ZNF221: variants seen among roughly 807,000 people sequenced by gnomAD.
ZNF221 encodes zinc finger protein 221.
In ZNF221, 10 loss-of-function variants were observed where a neutral mutation model predicts 12.6. The observed-to-expected ratio is 0.79, with a 90% CI of 0.49 to 1.34. The LOEUF (loss-of-function observed/expected upper bound fraction) is 1.34, where lower values mean the gene tolerates loss of function less well. Ranked by LOEUF, ZNF221 falls within the 40% of genes most tolerant of loss-of-function variation. ZNF221 has a pLI of 0.00. For synonymous variants in ZNF221, 232 were observed against 244.0 expected, an observed-to-expected ratio of 0.95 and a Z score of 0.46; for missense variants, 661 against 721.4, an observed-to-expected ratio of 0.92 and a Z score of 0.96.
intron 1 of ZNF221, among the ~76,000 whole-genome samples, chr19:43,953,187 G>A (rs1266119959): frequency 6.6e-6 from 1 of 151,570 alleles, no homozygotes; most frequent in East Asian, 1.9e-4. Flanking sequence ...CTGACCTTAG[G>A]TGATCTGCCC....
the ZNF221 span, chr19:43,977,182 G>A: frequency 6.6e-6 from 1 of 152,130 alleles, no homozygotes; most frequent in Non-Finnish European, 1.5e-5. Flanking sequence ...CATCATTTGT[G>A]GATGAATATT....
chr19:43,953,075 T>C (rs1179467426), intron 1 of ZNF221, among the ~76,000 whole-genome samples: 1 of 151,996 alleles, frequency 6.6e-6, no homozygotes, highest in East Asian at 1.9e-4. Context: ...CAAGCGATTT[T>C]CCTCCCTTAG....
intron 2 of ZNF221, among the ~76,000 whole-genome samples, chr19:43,963,882 A>T (rs1354741323): frequency 6.6e-6 from 1 of 152,230 alleles, no homozygotes; most frequent in Non-Finnish European, 1.5e-5. Context: ...CATAAGGAGA[A>T]TAAGGGTACT....
At position 43,967,273 on chromosome 19, in the gene ZNF221, A is replaced by G. The variant is rs904488167; in HGVS notation, c.1771A>G (p.Lys591Glu). The G allele has an allele frequency of 6.2e-7, 1 of 1,614,160 alleles. No homozygotes were observed. The highest frequency in any genetic ancestry group is 8.5e-7 in the Non-Finnish European group (1 of 1,180,038). The change falls in exon 5 of 5, where the codon AAA (lysine) becomes GAA (glutamate). Residue 591 changes from lysine (K) to glutamate (E), a missense_variant. Coordinates refer to ENST00000587682, the MANE Select transcript of ZNF221 (RefSeq NM_001297588.2). Reference sequence around the variant, plus strand: ...ACTCCACAGTGGAGAAAAGCCATTGAAATCTGGAGTGTGGGAAGAGATCTA... The same window carrying G: ...ACTCCACAGTGGAGAAAAGCCATTGGAATCTGGAGTGTGGGAAGAGATCTA... ...QRLHSGEKPL[K>E]SGVWEEIYSE...
chr19:43,965,397 C>A, intron 4 of ZNF221, 72 bp downstream of exon 4: 1 of 1,358,230 alleles, frequency 7.4e-7, no homozygotes, highest in Non-Finnish European at 1.0e-6. Flanking sequence ...ATGCCTATTT[C>A]CATCACCCTG....
downstream of ZNF221, among the ~76,000 whole-genome samples, chr19:43,968,825 G>A (rs142913639): frequency 1.2e-3 from 190 of 152,330 alleles, 2 homozygotes; most frequent in African/African-American, 4.1e-3. Context: ...GAGTGATTGT[G>A]CGACCCTGCG....
At chr19:43,957,611 T>G (rs959407900) in intron 1 of ZNF221, among the ~76,000 whole-genome samples, 1 of 152,218 alleles carries the variant, frequency 6.6e-6, no homozygotes, top group Non-Finnish European at 1.5e-5. Context: ...AGTTTCACCT[T>G]TATCATTGTT....
chr19:43,972,310 G>T (rs1471791712), downstream of ZNF221, among the ~76,000 whole-genome samples: 4 of 151,928 alleles, frequency 2.6e-5, no homozygotes, highest in African/African-American at 9.7e-5. Context: ...AGCACTAAAT[G>T]CCCACATCAA....
At position 43,966,540 on chromosome 19, in the gene ZNF221, C is replaced by A. The variant is rs759489476; in HGVS notation, c.1038C>A (p.Asn346Lys). The change falls in exon 5 of 5, where the codon AAC (asparagine) becomes AAA (lysine). Residue 346 changes from asparagine to lysine, a missense_variant. Transcript: ENST00000587682. ...TCAGATGTGATACATGTGGCAAGAA[C>A]TTTCGTCAGAGATCAGCACTTAATA... ...KPFRCDTCGKNFRQRSALNSH... is the reference protein window; with the variant it reads ...KPFRCDTCGKKFRQRSALNSH... 1 of 1,614,104 alleles carries A rather than the reference C, an allele frequency of 6.2e-7. No individual in the cohort carries two copies. Among genetic ancestry groups the A allele is most frequent in the Non-Finnish European group, 8.5e-7 (1 of 1,180,020 alleles).
chr19:43,962,577 G>A, intron 1 of ZNF221, 148 bp from the exon 2 acceptor site: 1 of 724,990 alleles, frequency 1.4e-6, no homozygotes. Context: ...ACCCGTAGGA[G>A]GGCATTTTGC....
intron 2 of ZNF221, 27 bp downstream of exon 2, chr19:43,962,834 T>C (rs759995605): frequency 6.3e-7 from 1 of 1,596,782 alleles, no homozygotes; most frequent in South Asian, 1.1e-5. Context: ...TCTCTTGCTG[T>C]TAAAATTCCA....
downstream of ZNF221, among the ~76,000 whole-genome samples, chr19:43,971,599 G>A (rs1036024797): frequency 1.3e-5 from 2 of 150,850 alleles, no homozygotes; most frequent in African/African-American, 4.9e-5. Flanking sequence ...AAAAGCAGGA[G>A]TCACAATCCT....
At chr19:43,968,860 C>T (rs1405780263), downstream of ZNF221, among the ~76,000 whole-genome samples, 2 of 152,202 alleles carry the variant, frequency 1.3e-5, no homozygotes, top group Non-Finnish European at 1.5e-5. Flanking sequence ...ACTCAAGGAT[C>T]TTTGCAACCC....
Position 43,965,198 on chromosome 19 carries a change from G to A in ZNF221, c.209-35G>A, listed in dbSNP as rs200878736. On this transcript the variant is annotated intron_variant, in intron 3 of 4. Transcript: ENST00000587682. Reference sequence around the variant, plus strand: ...ATTTTCCCTAGATATTACCTACAATGGGTTGGAATTAAGCATGTCACTGTG... The same window carrying A: ...ATTTTCCCTAGATATTACCTACAATAGGTTGGAATTAAGCATGTCACTGTG... 55 of 1,597,262 alleles carry A rather than the reference G, an allele frequency of 3.4e-5. No homozygotes were observed. The African/African-American group carries it at 4.3e-4, about 13-fold the overall frequency.
chr19:43,966,555 AG>A lies in ZNF221; in HGVS notation c.1054del (p.Ala352HisfsTer10). The A allele has an allele frequency of 6.2e-7, 1 of 1,614,224 alleles. No homozygotes were observed. On this transcript the variant is annotated frameshift_variant, in exon 5 of 5. Coordinates refer to ENST00000587682, the MANE Select transcript of ZNF221 (RefSeq NM_001297588.2). LOFTEE classifies it low-confidence loss of function (END_TRUNC). ...GTGGCAAGAACTTTCGTCAGAGATC[AG>A]CACTTAATAGTCATTCCATGGTCCA... ...TCGKNFRQRSALNSHSMVHIE... is the reference protein window; with the variant it reads ...TCGKNFRQRSXLNSHSMVHIE...
rs1312785076 is a variant in ZNF221 at position 43,966,693 on chromosome 19, AG to A, written c.1192del (p.Glu398AsnfsTer13). ...HTGEKPYNCK[E>X]CGKTFRWSSC... ...CAGGAGAGAAACCATATAATTGTAA[AG>A]AATGTGGGAAGACCTTCAGATGGTC... On this transcript the variant is annotated frameshift_variant, in exon 5 of 5. Coordinates refer to ENST00000587682, the MANE Select transcript of ZNF221 (RefSeq NM_001297588.2). LOFTEE classifies it low-confidence loss of function (END_TRUNC). 2.5e-6 allele frequency: 4 copies of A among 1,614,248 alleles called. No individual in the cohort carries two copies. Among genetic ancestry groups the A allele is most frequent in the Non-Finnish European group, 3.4e-6 (4 of 1,180,048 alleles).
intron 1 of ZNF221, among the ~76,000 whole-genome samples, chr19:43,954,382 T>A (rs1974721812): frequency 6.6e-6 from 1 of 152,182 alleles, no homozygotes; most frequent in South Asian, 2.1e-4. Context: ...CAGCTACCGT[T>A]TCTCCTTCTT....
At chr19:43,955,077 G>A (rs558004845) in intron 1 of ZNF221, among the ~76,000 whole-genome samples, 1 of 151,518 alleles carries the variant, frequency 6.6e-6, no homozygotes, top group Non-Finnish European at 1.5e-5. Flanking sequence ...GGACATTGTG[G>A]GCTCTATATC....
chr19:43,971,495 G>A (rs73050199), downstream of ZNF221, among the ~76,000 whole-genome samples: 3 of 152,220 alleles, frequency 2.0e-5, no homozygotes, highest in South Asian at 2.1e-4. Flanking sequence ...CGATTGATAC[G>A]CCGTGTTTAA....
Sources: allele counts gnomAD v4.1 joint callset (sites outside exome capture counted in the v4.1 genomes callset), GRCh38; gene constraint gnomAD v4.1.1; transcripts MANE v1.5; gene names NCBI Gene and HGNC (gene_info 2026-07-23, HGNC 2026-07-21).